Variants in MRPS21 observed in about 807,000 individuals in gnomAD.
The protein encoded by MRPS21 is mitochondrial ribosomal protein S21, also known as small ribosomal subunit protein bS21m.
MRPS21 carries 8 observed loss-of-function variants against 9.9 expected under a neutral mutation model. The observed-to-expected ratio is 0.81, with a 90% CI of 0.47 to 1.45. The LOEUF is 1.45. Ranked by LOEUF, MRPS21 falls within the 40% of genes most tolerant of loss-of-function variation. The pLI, the probability that MRPS21 is intolerant of heterozygous loss-of-function variation, is 0.00. For synonymous variants in MRPS21, 40 were observed against 40.3 expected, an observed-to-expected ratio of 0.99 and a Z score of 0.03; for missense variants, 101 against 118.9, an observed-to-expected ratio of 0.85 and a Z score of 0.70.
At chr1:150,294,296 T>C in intron 1 of MRPS21, 39 bp from the exon 2 acceptor site, 1 of 1,404,902 alleles carries the variant, frequency 7.1e-7, no homozygotes, top group Non-Finnish European at 1.0e-6. Context: ...GTTGCGTTTC[T>C]CTTTCTGCTT....
chr1:150,304,365 A>G (rs587690618), intron 2 of MRPS21, among the ~76,000 whole-genome samples: 2 of 152,086 alleles, frequency 1.3e-5, no homozygotes, highest in South Asian at 2.1e-4. Context: ...ATCAGCAGCA[A>G]TATCAGCTGG....
At chr1:150,303,717 G>A (rs1205220411) in intron 2 of MRPS21, among the ~76,000 whole-genome samples, 2 of 152,188 alleles carry the variant, frequency 1.3e-5, no homozygotes, top group African/African-American at 4.8e-5. Flanking sequence ...TAGGAGTGTA[G>A]TTAGGATGAT....
intron 2 of MRPS21, among the ~76,000 whole-genome samples, chr1:150,307,346 TC>T (rs1553858690): frequency 8.2e-3 from 1 of 122 alleles, no homozygotes; most frequent in Non-Finnish European, 0.019. Flanking sequence ...CTGTGCCCAG[TC>T]CTTTTTTTTT....
rs1186319606 is a variant in MRPS21, at chr1:150,308,468, C to T, written c.*240C>T. 3 of 396,972 alleles carry T rather than the reference C, an allele frequency of 7.6e-6. No homozygotes were observed. Among genetic ancestry groups the T allele is most frequent in the Non-Finnish European group, 1.4e-5 (3 of 218,474 alleles). 24.6% of individuals were successfully genotyped at this position (396,972 alleles called of 1,614,324 possible). A position where few individuals can be genotyped will look rare whatever the true frequency, so the allele number is the denominator to read the frequency against. On this transcript the variant is annotated 3_prime_UTR_variant, in exon 3 of 3. Transcript: ENST00000614145. ...GGAGTAGAATGGTATTTGCCAGGGA[C>T]TGGAGGAGGGGGCAGTGAGGAGTTA...
At chr1:150,295,302 T>C (rs185019937) in intron 2 of MRPS21, among the ~76,000 whole-genome samples, 10 of 152,290 alleles carry the variant, frequency 6.6e-5, no homozygotes, top group Admixed American at 6.5e-4. Context: ...GGCCCCGCTT[T>C]TTAAAAATTG....
chr1:150,306,869 C>T (rs1654351084), intron 2 of MRPS21, among the ~76,000 whole-genome samples: 4 of 152,020 alleles, frequency 2.6e-5, no homozygotes. Flanking sequence ...ATGGCTCTCC[C>T]CAGTTGAGGT....
intron 2 of MRPS21, among the ~76,000 whole-genome samples, chr1:150,297,753 C>T (rs1653969233): frequency 6.6e-6 from 1 of 152,170 alleles, no homozygotes; most frequent in South Asian, 2.1e-4. Context: ...GTTCCCTCTA[C>T]ATTGTCACCT....
At position 150,294,222 on chromosome 1, in the gene MRPS21, G is replaced by T. The variant is rs1325496216; in HGVS notation, c.-32-113G>T. 4.6e-6 allele frequency: 3 copies of T among 656,902 alleles called. No individual in the cohort carries two copies. The Admixed American group carries it at 7.3e-5, about 16-fold the overall frequency. The allele number at this position is 656,902 out of a possible 1,614,324, so 40.7% of individuals were successfully genotyped here. A position where few individuals can be genotyped will look rare whatever the true frequency, so the allele number is the denominator to read the frequency against. On this transcript the variant is annotated intron_variant, in intron 1 of 2. Coordinates refer to ENST00000614145, the MANE Select transcript of MRPS21 (RefSeq NM_031901.6). Reference sequence around the variant, plus strand: ...GGATGACTTCCATGTGCTCCATCTCGCGCGTCCCTGAGCATGTTGAATTTC... The same window carrying T: ...GGATGACTTCCATGTGCTCCATCTCTCGCGTCCCTGAGCATGTTGAATTTC...
At chr1:150,302,982 T>G (rs1654203001) in intron 2 of MRPS21, among the ~76,000 whole-genome samples, 1 of 152,190 alleles carries the variant, frequency 6.6e-6, no homozygotes. Flanking sequence ...CATCATTATA[T>G]TCTTTCTTTT....
At chr1:150,305,302 G>T (rs1341686832) in intron 2 of MRPS21, among the ~76,000 whole-genome samples, 1 of 152,066 alleles carries the variant, frequency 6.6e-6, no homozygotes, top group Non-Finnish European at 1.5e-5. Context: ...GCCTCCCAAA[G>T]TCCTGGGATT....
chr1:150,303,957 A>G (rs2101909857), intron 2 of MRPS21: 2 of 455,298 alleles, frequency 4.4e-6, no homozygotes, highest in East Asian at 1.4e-4. Flanking sequence ...TTGATCTCTA[A>G]CCTTAGAAAA....
chr1:150,306,307 A>G (rs1195750827), intron 2 of MRPS21, among the ~76,000 whole-genome samples: 1 of 77,134 alleles, frequency 1.3e-5, no homozygotes, highest in Non-Finnish European at 2.3e-5. Flanking sequence ...CCTTGAGACA[A>G]GAGTCTGTTG....
intron 2 of MRPS21, among the ~76,000 whole-genome samples, chr1:150,296,006 C>T (rs1368579292): frequency 1.3e-5 from 2 of 150,076 alleles, no homozygotes; most frequent in Non-Finnish European, 2.9e-5. Context: ...GGCTGGAGCG[C>T]AGTGGTGCAG....
At chr1:150,305,903 T>G (rs2101911737) in intron 2 of MRPS21, among the ~76,000 whole-genome samples, 1 of 152,286 alleles carries the variant, frequency 6.6e-6, no homozygotes, top group South Asian at 2.1e-4. Flanking sequence ...CTTAGACTAG[T>G]AGTTCCAAAA....
At position 150,293,884 on chromosome 1, in the gene MRPS21, T is replaced by A. The variant is rs1653808605; in HGVS notation, c.-47T>A. Reference sequence around the variant, plus strand: ...GTGAGAACCCTTCCGGTGGGCTAGGTACTGAGCGCGCGAGGTGAGGAGTTG... The same window carrying A: ...GTGAGAACCCTTCCGGTGGGCTAGGAACTGAGCGCGCGAGGTGAGGAGTTG... On this transcript the variant is annotated 5_prime_UTR_variant, in exon 1 of 3. Coordinates refer to ENST00000614145, the MANE Select transcript of MRPS21 (RefSeq NM_031901.6). The A allele has an allele frequency of 5.9e-6, 1 of 170,532 alleles. No homozygotes were observed. The highest frequency in any genetic ancestry group is 1.3e-5 in the Non-Finnish European group (1 of 77,504). 10.6% of individuals were successfully genotyped at this position (170,532 alleles called of 1,614,324 possible). A position where few individuals can be genotyped will look rare whatever the true frequency, so the allele number is the denominator to read the frequency against.
intron 2 of MRPS21, chr1:150,304,672 T>C (rs868917834): frequency 4.3e-5 from 9 of 208,864 alleles, no homozygotes; most frequent in Middle Eastern, 2.0e-3. Context: ...AGAGAATCTC[T>C]TGAACCTGGG....
At chr1:150,296,942 C>T (rs765462294) in intron 2 of MRPS21, among the ~76,000 whole-genome samples, 1 of 152,022 alleles carries the variant, frequency 6.6e-6, no homozygotes, top group Non-Finnish European at 1.5e-5. Context: ...TAGTTCTTAG[C>T]AAAGCAGAGA....
intron 2 of MRPS21, among the ~76,000 whole-genome samples, chr1:150,300,668 A>G (rs1654082303): frequency 6.6e-6 from 1 of 152,154 alleles, no homozygotes; most frequent in Non-Finnish European, 1.5e-5. Flanking sequence ...TTTATGGGTA[A>G]CACCCCCACT....
At chr1:150,294,309 C>A in intron 1 of MRPS21, 26 bp from the exon 2 acceptor site, 1 of 1,476,812 alleles carries the variant, frequency 6.8e-7, no homozygotes, top group Non-Finnish European at 9.4e-7. Context: ...TTCTGCTTTC[C>A]TCGCCCTTTC....
Sources: allele counts gnomAD v4.1 joint callset (sites outside exome capture counted in the v4.1 genomes callset), GRCh38; gene constraint gnomAD v4.1.1; transcripts MANE v1.5; gene names NCBI Gene and HGNC (gene_info 2026-07-23, HGNC 2026-07-21).